The following CTIF variants were observed in gnomAD, a reference collection of about 807,000 sequenced individuals.
CTIF encodes CBP80/20-dependent translation initiation factor.
A neutral mutation model predicts 66.0 loss-of-function variants in CTIF; 21 were observed. That is an observed-to-expected ratio of 0.32 (90% confidence interval 0.23 to 0.46). CTIF has a LOEUF of 0.46. Among genes scored for constraint, CTIF ranks in the 20% least tolerant of loss-of-function variants. The pLI is 1.00. For missense variants in CTIF, 739 were observed against 812.7 expected, an observed-to-expected ratio of 0.91 and a Z score of 1.10; for synonymous variants, 345 against 326.4, an observed-to-expected ratio of 1.06 and a Z score of -0.62.
At chr18:48,725,857 C>T (rs1212005791) in intron 7 of CTIF, among the ~76,000 whole-genome samples, 1 of 152,098 alleles carries the variant, frequency 6.6e-6, no homozygotes, top group Non-Finnish European at 1.5e-5. Context: ...TTGAGGCAAA[C>T]CCACATTTTG....
At chr18:48,613,756 G>A (rs1278950186) in intron 1 of CTIF, among the ~76,000 whole-genome samples, 1 of 152,134 alleles carries the variant, frequency 6.6e-6, no homozygotes, top group Non-Finnish European at 1.5e-5. Context: ...GCCAAGCTTG[G>A]CGGCCCTGGG....
rs1268913029 is a variant in CTIF at position 48,648,830 on chromosome 18, C to T, written c.252+12145C>T. Among the ~76,000 whole-genome samples, 3 of 152,174 alleles carry T rather than the reference C, an allele frequency of 2.0e-5. No homozygotes were observed. In the East Asian group the frequency reaches 5.8e-4, roughly 29 times the overall value. ...GTGAGGAAACACAGGTCCAAAAAGC[C>T]AGAGTGAGGCTGGGCGTGGTGGCTC... On this transcript the variant is annotated intron_variant, in intron 3 of 11. Coordinates refer to ENST00000256413, the MANE Select transcript of CTIF (RefSeq NM_014772.3).
At position 48,636,671 on chromosome 18, in the gene CTIF, G is replaced by GC. The variant is rs779060416; in HGVS notation, c.245dup (p.Gln83ThrfsTer78). 1.9e-5 allele frequency: 30 copies of GC among 1,599,236 alleles called. No individual in the cohort carries two copies. The highest frequency in any genetic ancestry group is 1.7e-4 in the Middle Eastern group (1 of 6,024). ...CAGCTGTTCCTTCTCCCGAGGGCGA[G>GC]CCCCCCCACAGCAGGTAGGGAACCA... is the stretch of plus-strand genomic sequence containing the variant. On this transcript the variant is annotated frameshift_variant, in exon 3 of 12. Coordinates refer to ENST00000256413, the MANE Select transcript of CTIF (RefSeq NM_014772.3). LOFTEE classifies it high-confidence loss of function.
At chr18:48,597,515 C>T (rs1195695919) in intron 1 of CTIF, among the ~76,000 whole-genome samples, 1 of 152,092 alleles carries the variant, frequency 6.6e-6, no homozygotes, top group African/African-American at 2.4e-5. Context: ...GAACTCTCTC[C>T]CTGAGTTCAC....
chr18:48,826,782 A>G (rs2068590676), intron 10 of CTIF: 1 of 152,256 alleles, frequency 6.6e-6, no homozygotes, highest in Admixed American at 6.5e-5. Context: ...TGAACTGCGA[A>G]GTTTCCTAGT....
intron 1 of CTIF, among the ~76,000 whole-genome samples, chr18:48,542,919 G>T (rs1269594449): frequency 6.6e-6 from 1 of 152,198 alleles, no homozygotes; most frequent in Non-Finnish European, 1.5e-5. Flanking sequence ...TGGCGACACG[G>T]AGCTAAGGAG....
At chr18:48,852,412 G>A (rs2069226460) in intron 10 of CTIF, among the ~76,000 whole-genome samples, 2 of 152,082 alleles carry the variant, frequency 1.3e-5, no homozygotes, top group Non-Finnish European at 2.9e-5. Context: ...GCAGTTGGAT[G>A]TTGGACCCCA....
chr18:48,608,296 G>A (rs1460222806), intron 1 of CTIF, among the ~76,000 whole-genome samples: 1 of 152,172 alleles, frequency 6.6e-6, no homozygotes, highest in Middle Eastern at 3.2e-3. Flanking sequence ...GTTTTTTCAA[G>A]AAAAGTCAGA....
At chr18:48,564,246 G>A (rs1309399867) in intron 1 of CTIF, among the ~76,000 whole-genome samples, 2 of 152,194 alleles carry the variant, frequency 1.3e-5, no homozygotes, top group African/African-American at 4.8e-5. Context: ...GCCGTAGGTG[G>A]TACCCAGACG....
At chr18:48,838,636 C>T (rs1370848184) in intron 10 of CTIF, among the ~76,000 whole-genome samples, 4 of 152,188 alleles carry the variant, frequency 2.6e-5, no homozygotes, top group South Asian at 4.1e-4. Context: ...TTGTCTCCCT[C>T]GGGGCCAACA....
intron 1 of CTIF, among the ~76,000 whole-genome samples, chr18:48,550,545 A>G (rs2088857754): frequency 1.3e-5 from 2 of 152,218 alleles, no homozygotes; most frequent in Admixed American, 1.3e-4. Context: ...CGTGGGGCTG[A>G]CCATGCAAGC....
At position 48,862,664 on chromosome 18, in the gene CTIF, T is replaced by TA. The variant is rs2069500621; in HGVS notation, c.*3105_*3106insA. The TA allele has an allele frequency of 1.3e-5, 2 of 152,110 alleles. No individual in the cohort carries two copies. Among genetic ancestry groups the TA allele is most frequent in the African/African-American group, 4.9e-5 (2 of 40,914 alleles). The allele number at this position is 152,110 out of a possible 1,614,324, so 9.4% of individuals were successfully genotyped here. ...GAGTCGGTATTTATTCTGATTGATTTTTATTTTATTCTATTATTTTCTCCG... is the reference window on the plus strand; with the variant it reads ...GAGTCGGTATTTATTCTGATTGATTTATTATTTTATTCTATTATTTTCTCCG... On this transcript the variant is annotated 3_prime_UTR_variant, in exon 12 of 12. Coordinates refer to ENST00000256413, the MANE Select transcript of CTIF (RefSeq NM_014772.3).
At chr18:48,827,208 A>C (rs1347560874) in intron 10 of CTIF, among the ~76,000 whole-genome samples, 1 of 152,214 alleles carries the variant, frequency 6.6e-6, no homozygotes, top group Non-Finnish European at 1.5e-5. Flanking sequence ...GGAACAAAGG[A>C]GCATTCCTTT....
At position 48,757,999 on chromosome 18, in the gene CTIF, A is replaced by T. The variant is rs1396001347; in HGVS notation, c.665A>T (p.Asp222Val). 6.2e-7 allele frequency: 1 copy of T among 1,613,926 alleles called. No individual in the cohort carries two copies. The highest frequency in any genetic ancestry group is 8.5e-7 in the Non-Finnish European group (1 of 1,179,970). ...CCAGGCAGTGCCAAACACAACAGGG[A>T]CCACCAGAAATCCTACCAGGGGGGC... ...HQPGSAKHNR[D>V]HQKSYQGGSA... Residue 222 changes from aspartate to valine, a missense_variant, in exon 8 of 12, where the codon GAC becomes GTC. Physicochemically the swap from Asp to Val is radical, Grantham distance 152 (BLOSUM62 -3). This residue lies in a region of CTIF where 529 missense variants were observed against 520.3 expected (regional missense o/e 1.02). Transcript: ENST00000256413.
At position 48,841,729 on chromosome 18, in the gene CTIF, A is replaced by G. The variant is rs550313414; in HGVS notation, c.1528-15859A>G. On this transcript the variant is annotated intron_variant, in intron 10 of 11. Coordinates refer to ENST00000256413, the MANE Select transcript of CTIF (RefSeq NM_014772.3). The stretch of plus-strand genomic sequence containing the variant: ...TCTCCCACCAGCCCGGTGCCTGGGA[A>G]GCGCTCACTGTCTCCTCAGCCGGTG... Among the ~76,000 whole-genome samples the G allele has an allele frequency of 5.3e-5, 8 of 152,084 alleles. No homozygotes were observed. In the East Asian group the frequency reaches 1.4e-3, roughly 26 times the overall value.
intron 7 of CTIF, among the ~76,000 whole-genome samples, chr18:48,741,287 C>T (rs1266044646): frequency 2.9e-5 from 4 of 139,072 alleles, no homozygotes; most frequent in South Asian, 2.4e-4. Context: ...CCCGCCCCCC[C>T]TCCTTGGTAC....
chr18:48,804,873 C>T (rs2068112997), intron 9 of CTIF, among the ~76,000 whole-genome samples: 1 of 152,144 alleles, frequency 6.6e-6, no homozygotes, highest in Non-Finnish European at 1.5e-5. Context: ...TGCCCCTCAC[C>T]GTCCAGTCCC....
intron 7 of CTIF, among the ~76,000 whole-genome samples, chr18:48,734,754 T>C (rs2092485244): frequency 6.6e-6 from 1 of 152,044 alleles, no homozygotes; most frequent in Non-Finnish European, 1.5e-5. Flanking sequence ...CACCAGCCCC[T>C]GTATGGATAG....
At chr18:48,789,610 A>G (rs891492867) in intron 9 of CTIF, among the ~76,000 whole-genome samples, 1 of 152,176 alleles carries the variant, frequency 6.6e-6, no homozygotes, top group Non-Finnish European at 1.5e-5. Flanking sequence ...TAGAATACTC[A>G]GTATTGGTAT....
Sources: gnomAD v4.1 joint callset for allele counts (sites outside exome capture counted in the v4.1 genomes callset) on GRCh38, gnomAD v4.1.1 for gene constraint, gnomAD v4.1.1 regional missense constraint, MANE v1.5 for transcripts, NCBI Gene and HGNC (gene_info 2026-07-23, HGNC 2026-07-21) for gene names.